Variants in ST18 observed in about 807,000 individuals in gnomAD.
The protein encoded by ST18 is suppression of tumorigenicity 18 protein.
Under a neutral mutation model 110.0 loss-of-function variants are expected in ST18, and 50 were observed. The ratio of observed to expected loss-of-function variants is 0.45; its 90% CI spans 0.36 to 0.58. The LOEUF is 0.58. Ranked by LOEUF, ST18 falls within the 20% of genes least tolerant of loss-of-function variation. The pLI is 0.00. For missense variants in ST18, 1,306 were observed against 1,280.1 expected (o/e 1.02, Z -0.31); for synonymous variants, 461 against 452.4 (o/e 1.02, Z -0.24).
At chr8:52,310,380 AC>A (rs1016363450) in intron 2 of ST18, among the ~76,000 whole-genome samples, 2 of 134,304 alleles carry the variant, frequency 1.5e-5, no homozygotes, top group Admixed American at 7.4e-5. Context: ...CTGTGTAACT[AC>A]TGTGTCTTTT....
chr8:52,366,721 T>C (rs1828108497), intron 2 of ST18, among the ~76,000 whole-genome samples: 1 of 152,220 alleles, frequency 6.6e-6, no homozygotes, highest in Non-Finnish European at 1.5e-5. Context: ...CTTACCCTGC[T>C]TTAATTTTCT....
chr8:52,122,000 C>CTGT (rs2045062060), intron 23 of ST18, among the ~76,000 whole-genome samples: 2 of 152,176 alleles, frequency 1.3e-5, no homozygotes, highest in South Asian at 4.1e-4. Context: ...CGTACGCCAC[C>CTGT]ATGCCCAGCT....
intron 2 of ST18, among the ~76,000 whole-genome samples, chr8:52,300,929 C>T (rs535089416): frequency 1.8e-4 from 27 of 152,336 alleles, no homozygotes; most frequent in Non-Finnish European, 2.6e-4. Context: ...ACTCACAATA[C>T]ACATTTTAAA....
chr8:52,209,866 T>C (rs187084103), intron 8 of ST18, among the ~76,000 whole-genome samples: 1 of 151,200 alleles, frequency 6.6e-6, no homozygotes, highest in African/African-American at 2.4e-5. Context: ...AATTTCTATT[T>C]CTCCACATAG....
chr8:52,363,189 C>T (rs973138435), intron 2 of ST18, among the ~76,000 whole-genome samples: 7 of 151,850 alleles, frequency 4.6e-5, no homozygotes, highest in South Asian at 2.1e-4. Flanking sequence ...CCAGCCTGGG[C>T]GACAGAGCGA....
At chr8:52,233,259 G>A (rs1013248846) in intron 2 of ST18, among the ~76,000 whole-genome samples, 3 of 152,130 alleles carry the variant, frequency 2.0e-5, no homozygotes, top group African/African-American at 7.2e-5. Flanking sequence ...TGAGTGGAGA[G>A]GGGTGTATGG....
chr8:52,203,561 GA>G (rs33955100), intron 8 of ST18, among the ~76,000 whole-genome samples: 3,536 of 152,068 alleles, frequency 0.023, 140 homozygotes, highest in African/African-American at 0.081. Flanking sequence ...TTTTAAGCAG[GA>G]AAAAAATTTA....
At chr8:52,125,903 A>G (rs928517299) in intron 23 of ST18, 149 bp downstream of exon 23, 2 of 659,286 alleles carry the variant, frequency 3.0e-6, no homozygotes, top group Admixed American at 3.3e-5. Context: ...AAACAAAGTT[A>G]TAATTTTAGT....
intron 8 of ST18, among the ~76,000 whole-genome samples, chr8:52,201,711 C>G (rs144102327): frequency 2.5e-3 from 378 of 152,350 alleles, no homozygotes; most frequent in African/African-American, 7.7e-3. Flanking sequence ...CTAAGAGTTC[C>G]TGGGTCCTGG....
chr8:52,165,057 G>A, intron 12 of ST18, 78 bp downstream of exon 12: 2 of 1,389,794 alleles, frequency 1.4e-6, no homozygotes, highest in Non-Finnish European at 2.0e-6. Flanking sequence ...TCACACATTG[G>A]TAACCCATTA....
chr8:52,311,676 G>C (rs1022943458), intron 2 of ST18, among the ~76,000 whole-genome samples: 1 of 152,226 alleles, frequency 6.6e-6, no homozygotes, highest in Non-Finnish European at 1.5e-5. Context: ...GCAGGAGAGA[G>C]AGAGTGTGAG....
At chr8:52,334,650 T>C (rs1811207368) in intron 2 of ST18, among the ~76,000 whole-genome samples, 2 of 152,218 alleles carry the variant, frequency 1.3e-5, no homozygotes, top group Admixed American at 1.3e-4. Flanking sequence ...TATGGGGCTT[T>C]TTCTGTCTCT....
chr8:52,311,343 C>A (rs2095903987), intron 2 of ST18, among the ~76,000 whole-genome samples: 1 of 152,122 alleles, frequency 6.6e-6, no homozygotes. Context: ...CAACCTAAAG[C>A]CTAATGTTGT....
chr8:52,279,605 A>G (rs1401071823), intron 2 of ST18, among the ~76,000 whole-genome samples: 2 of 152,162 alleles, frequency 1.3e-5, no homozygotes, highest in Admixed American at 6.5e-5. Flanking sequence ...AAAAATACAG[A>G]ATACTTAATA....
chr8:52,134,294 G>T (rs1427528751), intron 19 of ST18, among the ~76,000 whole-genome samples: 5 of 152,068 alleles, frequency 3.3e-5, no homozygotes, highest in Admixed American at 6.6e-5. Context: ...AGATGACAGG[G>T]AATCCAATTT....
chr8:52,161,333 A>G (rs935469635), intron 14 of ST18, 42 bp downstream of exon 14: 1 of 1,594,462 alleles, frequency 6.3e-7, no homozygotes, highest in Non-Finnish European at 8.5e-7. Flanking sequence ...ACCCATACAC[A>G]AGAAGCATTT....
chr8:52,128,058 T>A (rs780538362), intron 22 of ST18, among the ~76,000 whole-genome samples: 1 of 151,966 alleles, frequency 6.6e-6, no homozygotes, highest in Non-Finnish European at 1.5e-5. Context: ...AACCTCCACC[T>A]CCTGGGCTCA....
chr8:52,299,546 G>A (rs1409952711), intron 2 of ST18, among the ~76,000 whole-genome samples: 1 of 152,098 alleles, frequency 6.6e-6, no homozygotes, highest in Non-Finnish European at 1.5e-5. Context: ...TCTCAAACAT[G>A]TGCAGCCTGT....
In ST18 at chr8:52,194,603, G is replaced by A. The variant is rs531557976; in HGVS notation, c.87-14291C>T. The A allele has an allele frequency of 5.9e-5, 9 of 152,268 alleles. No individual in the cohort carries two copies. The East Asian group carries it at 7.7e-4, about 13-fold the overall frequency. 9.4% of individuals were successfully genotyped at this position (152,268 alleles called of 1,614,324 possible). ...TGCATCTGGAGAACTGCCTTCCTCCGGGAGAGCCATCAACAACCACCCATT... is the reference window on the plus strand; with the variant it reads ...TGCATCTGGAGAACTGCCTTCCTCCAGGAGAGCCATCAACAACCACCCATT... On this transcript the variant is annotated intron_variant, in intron 8 of 25. Coordinates refer to ENST00000689386, the MANE Select transcript of ST18 (RefSeq NM_001352837.2).
Sources: gnomAD v4.1 joint callset for allele counts (sites outside exome capture counted in the v4.1 genomes callset) on GRCh38, gnomAD v4.1.1 for gene constraint, MANE v1.5 for transcripts, NCBI Gene and HGNC (gene_info 2026-07-23, HGNC 2026-07-21) for gene names.